Variants in DNAH9 observed in about 807,000 individuals in gnomAD.
DNAH9 encodes dynein axonemal heavy chain 9, also known as DNAH9 variant protein.
DNAH9 carries 345 observed loss-of-function variants against 471.6 expected under a neutral mutation model. The observed-to-expected ratio is 0.73, with a 90% CI of 0.67 to 0.80. The LOEUF (loss-of-function observed/expected upper bound fraction) is 0.80, where lower values mean the gene tolerates loss of function less well. DNAH9 is among the 30% of genes least tolerant of loss of function. The pLI is 0.00. For synonymous variants in DNAH9, 2,093 were observed against 2,123.6 expected, an observed-to-expected ratio of 0.99 and a Z score of 0.40; for missense variants, 5,407 against 5,609.2, an observed-to-expected ratio of 0.96 and a Z score of 1.15.
intron 18 of DNAH9, 70 bp downstream of exon 18, chr17:11,680,049 G>A: frequency 8.1e-7 from 1 of 1,229,842 alleles, no homozygotes. Flanking sequence ...ATGGGGTAAA[G>A]TGGGGTACAG....
intron 42 of DNAH9, among the ~76,000 whole-genome samples, chr17:11,796,485 G>A (rs962503838): frequency 6.6e-6 from 1 of 152,136 alleles, no homozygotes; most frequent in African/African-American, 2.4e-5. Flanking sequence ...AGCAGCCCTG[G>A]TTTCTCTATA....
At chr17:11,941,301 A>C (rs1329613370) in intron 66 of DNAH9, among the ~76,000 whole-genome samples, 1 of 152,186 alleles carries the variant, frequency 6.6e-6, no homozygotes, top group Non-Finnish European at 1.5e-5. Flanking sequence ...AGGACTCCAG[A>C]AATGGCTGGC....
chr17:11,904,686 T>TAGTGGGC (rs1330818176), intron 60 of DNAH9, among the ~76,000 whole-genome samples: 2 of 134,146 alleles, frequency 1.5e-5, no homozygotes, highest in Admixed American at 7.3e-5. Context: ...TTGAAAACAG[T>TAGTGGGC]AGTGGGCAGT....
At position 11,694,749 on chromosome 17, in the gene DNAH9, T is replaced by TTTCC; in HGVS notation, c.4872+330_4872+333dup. 1.9e-3 allele frequency among the ~76,000 whole-genome samples: 7 copies of TTTCC among 3,650 alleles called. 3 individuals are homozygous for TTTCC. The highest frequency in any genetic ancestry group is 3.2e-3 in the African/African-American group (7 of 2,210). The allele number at this position is 3,650 out of a possible 152,430, so 2.4% of individuals were successfully genotyped here. On this transcript the variant is annotated intron_variant, in intron 22 of 68. Coordinates refer to ENST00000262442, the MANE Select transcript of DNAH9 (RefSeq NM_001372.4). ...CTCTTTCTCTTTCTTTCTTTCTTTC[T>TTTCC]TTCCTTCCTTCCTTCCTTCCTTCCT...
rs772959131 is a variant in DNAH9, at chr17:11,784,426, C to A, written c.7948C>A (p.Pro2650Thr). The A allele has an allele frequency of 1.9e-6, 3 of 1,614,206 alleles. No individual in the cohort carries two copies. The South Asian group carries it at 3.3e-5, about 18-fold the overall frequency. The change falls in exon 41 of 69, where the codon CCA becomes ACA. Residue 2650 changes from proline (P) to threonine (T), a missense_variant. By Grantham distance (38) the Pro-to-Thr change is conservative (BLOSUM62 -1). Transcript: ENST00000262442. Reference sequence around the variant, plus strand: ...GGCGTCCCTGCAGAAATCCATCCCCCCACTGATCGATCTGGCCCTCGCCTT... The same window carrying A: ...GGCGTCCCTGCAGAAATCCATCCCCACACTGATCGATCTGGCCCTCGCCTT... The part of the protein sequence containing the change: ...FPASLQKSIP[P>T]LIDLALAFHQ...
Position 11,598,861 on chromosome 17 carries a change from C to A in DNAH9, c.363C>A (p.Val121=), listed in dbSNP as rs957100950. The A allele has an allele frequency of 3.2e-6, 5 of 1,539,926 alleles. No individual in the cohort carries two copies. Among genetic ancestry groups the A allele is most frequent in the South Asian group, 1.2e-5 (1 of 84,942 alleles). The change falls in exon 1 of 69, where the codon GTC becomes GTA. Residue 121 remains valine, a synonymous_variant. Coordinates refer to ENST00000262442, the MANE Select transcript of DNAH9 (RefSeq NM_001372.4). The stretch of plus-strand genomic sequence containing the variant: ...CCGACAGCTTCCGCGGCGCAGTGGT[C>A]TGCGGGGACCTGCCCGCGGCACCTC... ...PGPDSFRGAV[V]CGDLPAAPLE...
At chr17:11,665,901 G>T (rs749598690) in intron 15 of DNAH9, among the ~76,000 whole-genome samples, 1 of 152,192 alleles carries the variant, frequency 6.6e-6, no homozygotes, top group Non-Finnish European at 1.5e-5. Context: ...AGACACCTAC[G>T]TTGAGAATCC....
At chr17:11,909,230 T>C (rs1267397004) in intron 61 of DNAH9, among the ~76,000 whole-genome samples, 2 of 152,176 alleles carry the variant, frequency 1.3e-5, no homozygotes, top group South Asian at 4.1e-4. Context: ...CTCCCAAAGC[T>C]AGCCAGTTCT....
chr17:11,777,398 CTCT>C (rs1351192523), intron 38 of DNAH9, among the ~76,000 whole-genome samples: 2 of 152,080 alleles, frequency 1.3e-5, no homozygotes, highest in Non-Finnish European at 2.9e-5. Flanking sequence ...GACTTTAAGT[CTCT>C]TCTTGTTCTT....
intron 61 of DNAH9, among the ~76,000 whole-genome samples, chr17:11,914,816 T>C (rs536949684): frequency 7.9e-4 from 120 of 152,338 alleles, no homozygotes; most frequent in African/African-American, 2.8e-3. Context: ...TGCCTAGTTG[T>C]GGGTCCTTTT....
intron 42 of DNAH9, among the ~76,000 whole-genome samples, chr17:11,797,239 G>A (rs548608711): frequency 1.3e-5 from 2 of 152,206 alleles, no homozygotes; most frequent in East Asian, 1.9e-4. Context: ...ATTGGGCCAC[G>A]ATCCCCTTCA....
intron 50 of DNAH9, among the ~76,000 whole-genome samples, chr17:11,855,767 G>C (rs1474489017): frequency 6.6e-6 from 1 of 152,090 alleles, no homozygotes; most frequent in Non-Finnish European, 1.5e-5. Context: ...AAAGTAACAG[G>C]TAGAAATCAG....
At chr17:11,924,308 C>T (rs1428974881) in intron 62 of DNAH9, among the ~76,000 whole-genome samples, 1 of 152,120 alleles carries the variant, frequency 6.6e-6, no homozygotes, top group Non-Finnish European at 1.5e-5. Flanking sequence ...TGGCACGTTC[C>T]TCTGCTGTGC....
chr17:11,890,407 C>T (rs757864216), intron 57 of DNAH9, among the ~76,000 whole-genome samples: 1 of 152,118 alleles, frequency 6.6e-6, no homozygotes. Flanking sequence ...ACTGCAAAGC[C>T]TTTGTTAACA....
intron 43 of DNAH9, 33 bp from the exon 44 acceptor site, chr17:11,807,699 C>A: frequency 6.3e-7 from 1 of 1,582,386 alleles, no homozygotes; most frequent in Non-Finnish European, 8.6e-7. Flanking sequence ...AAAGTCTGAT[C>A]AAAGCAACAT....
chr17:11,655,395 TAAAAG>T (rs911023778), intron 14 of DNAH9, among the ~76,000 whole-genome samples: 22 of 148,612 alleles, frequency 1.5e-4, no homozygotes, highest in African/African-American at 5.2e-4. Context: ...TAGAACTAGA[TAAAAG>T]ATAAAAATTT....
chr17:11,936,572 T>A (rs1467763103), intron 65 of DNAH9, among the ~76,000 whole-genome samples: 5 of 152,166 alleles, frequency 3.3e-5, no homozygotes, highest in Non-Finnish European at 5.9e-5. Flanking sequence ...AGGTGGAGGC[T>A]TTAGTGAGCT....
At chr17:11,947,978 G>A (rs564669296) in intron 67 of DNAH9, among the ~76,000 whole-genome samples, 165 of 151,770 alleles carry the variant, frequency 1.1e-3, no homozygotes, top group Non-Finnish European at 1.9e-3. Flanking sequence ...TATTGACCAG[G>A]CTGGTCTCAA....
intron 15 of DNAH9, among the ~76,000 whole-genome samples, chr17:11,665,807 C>G (rs1169200771): frequency 6.6e-6 from 1 of 152,146 alleles, no homozygotes; most frequent in Admixed American, 6.5e-5. Flanking sequence ...TTTAAGAACT[C>G]AAGGATTGAA....
Sources: gnomAD v4.1 joint callset for allele counts (sites outside exome capture counted in the v4.1 genomes callset) on GRCh38, gnomAD v4.1.1 for gene constraint, MANE v1.5 for transcripts, NCBI Gene and HGNC (gene_info 2026-07-23, HGNC 2026-07-21) for gene names.